The following THSD7A variants were observed in gnomAD, a reference collection of about 807,000 sequenced individuals.
THSD7A encodes thrombospondin type-1 domain-containing protein 7A.
In THSD7A, 96 loss-of-function variants were observed where a neutral mutation model predicts 231.3. The ratio of observed to expected loss-of-function variants is 0.41; its 90% confidence interval spans 0.35 to 0.49. The LOEUF is 0.49. THSD7A is among the 20% of genes least tolerant of loss of function. THSD7A has a pLI of 0.05. For missense variants in THSD7A, 2,290 were observed against 2,070.2 expected, an observed-to-expected ratio of 1.11 and a Z score of -2.06; for synonymous variants, 940 against 743.3, an observed-to-expected ratio of 1.26 and a Z score of -4.30.
intron 1 of THSD7A, among the ~76,000 whole-genome samples, chr7:11,670,494 C>T (rs1783340557): frequency 6.6e-6 from 1 of 152,176 alleles, no homozygotes; most frequent in African/African-American, 2.4e-5. Context: ...GCTCACCTAG[C>T]CAGCTAAATA....
chr7:11,716,921 C>T (rs758752176), intron 1 of THSD7A, among the ~76,000 whole-genome samples: 4 of 151,544 alleles, frequency 2.6e-5, no homozygotes, highest in Non-Finnish European at 5.9e-5. Flanking sequence ...CAAAAATACC[C>T]TGAGTGGTAA....
intron 4 of THSD7A, among the ~76,000 whole-genome samples, chr7:11,550,935 C>T (rs189315364): frequency 1.3e-5 from 2 of 152,136 alleles, no homozygotes; most frequent in East Asian, 3.9e-4. Flanking sequence ...TCACACTCCC[C>T]ACTTCAAACT....
chr7:11,429,165 C>T, intron 13 of THSD7A, 40 bp from the exon 14 acceptor site: 1 of 1,517,410 alleles, frequency 6.6e-7, no homozygotes, highest in South Asian at 1.4e-5. Flanking sequence ...TCTCCTCCAC[C>T]TGTCACTCTC....
intron 1 of THSD7A, among the ~76,000 whole-genome samples, chr7:11,798,491 G>GA (rs1416535261): frequency 1.4e-5 from 2 of 139,874 alleles, no homozygotes; most frequent in African/African-American, 2.6e-5. Context: ...AACAAAAAAA[G>GA]AAAAAACAAA....
chr7:11,753,367 G>T (rs984404140), intron 1 of THSD7A, among the ~76,000 whole-genome samples: 4 of 151,996 alleles, frequency 2.6e-5, no homozygotes, highest in Non-Finnish European at 5.9e-5. Flanking sequence ...ATGCATTATT[G>T]CAATGTCTAC....
rs1488690205 is a variant in THSD7A, at chr7:11,382,066, A to C, written c.4507+455T>G. On this transcript the variant is annotated intron_variant, in intron 24 of 27. Coordinates refer to ENST00000423059, the MANE Select transcript of THSD7A (RefSeq NM_015204.3). The stretch of plus-strand genomic sequence containing the variant: ...TATTAATTAATTTAAAAATCTCTAA[A>C]TCATAGACTTCTGAATTTAAGCAAG... Among the ~76,000 whole-genome samples, 3 of 152,276 alleles carry C rather than the reference A, an allele frequency of 2.0e-5. No homozygotes were observed. In the East Asian group the frequency reaches 5.8e-4, roughly 29 times the overall value.
chr7:11,498,917 T>C (rs1787219966), intron 6 of THSD7A, among the ~76,000 whole-genome samples: 1 of 151,986 alleles, frequency 6.6e-6, no homozygotes, highest in East Asian at 1.9e-4. Flanking sequence ...GTTACATGGG[T>C]TCCCGTTCTC....
intron 6 of THSD7A, among the ~76,000 whole-genome samples, chr7:11,500,907 C>G (rs1363732634): frequency 6.7e-6 from 1 of 148,646 alleles, no homozygotes; most frequent in African/African-American, 2.5e-5. Context: ...GCACTCCAGC[C>G]TGGGTGACAG....
chr7:11,703,069 A>G (rs914295462), intron 1 of THSD7A, among the ~76,000 whole-genome samples: 5 of 151,230 alleles, frequency 3.3e-5, no homozygotes, highest in Admixed American at 3.3e-4. Flanking sequence ...CTTTGAGAAA[A>G]TACACACTCA....
intron 1 of THSD7A, among the ~76,000 whole-genome samples, chr7:11,811,449 T>C (rs995486156): frequency 6.6e-6 from 1 of 152,152 alleles, no homozygotes; most frequent in East Asian, 1.9e-4. Context: ...GAACCAAACA[T>C]ATATATGAAT....
intron 6 of THSD7A, among the ~76,000 whole-genome samples, chr7:11,491,391 C>T (rs925958967): frequency 6.9e-6 from 1 of 145,036 alleles, no homozygotes; most frequent in Non-Finnish European, 1.5e-5. Flanking sequence ...AGACACATGG[C>T]ATTCTATAAA....
rs1186839048 is a variant in THSD7A at position 11,447,224 on chromosome 7, T to G, written c.2800+6A>C. 4 of 1,612,716 alleles carry G rather than the reference T, an allele frequency of 2.5e-6. No homozygotes were observed. The African/African-American group carries it at 5.3e-5, about 22-fold the overall frequency. On this transcript the variant is annotated splice_donor_region_variant and intron_variant, in intron 12 of 27. Coordinates refer to ENST00000423059, the MANE Select transcript of THSD7A (RefSeq NM_015204.3). ...GTACTGGCTTTGGCATCCCAATTAT[T>G]CTTACCAACAAGAGTGCGCTTTCTG... is the stretch of plus-strand genomic sequence containing the variant.
At chr7:11,776,254 TG>T (rs1783402403) in intron 1 of THSD7A, among the ~76,000 whole-genome samples, 1 of 152,194 alleles carries the variant, frequency 6.6e-6, no homozygotes, top group Non-Finnish European at 1.5e-5. Context: ...TGCAGGGCGG[TG>T]AACAAATTTG....
chr7:11,534,177 G>C (rs1332093022), intron 6 of THSD7A, among the ~76,000 whole-genome samples: 1 of 152,154 alleles, frequency 6.6e-6, no homozygotes, highest in Non-Finnish European at 1.5e-5. Flanking sequence ...TATTTTGCAT[G>C]TGAGAGGATT....
chr7:11,657,505 T>G (rs1262868420), intron 1 of THSD7A, among the ~76,000 whole-genome samples: 1 of 151,786 alleles, frequency 6.6e-6, no homozygotes, highest in Non-Finnish European at 1.5e-5. Context: ...CTTCAATGCC[T>G]AACTATAGGT....
chr7:11,734,436 G>C (rs1781838881), intron 1 of THSD7A, among the ~76,000 whole-genome samples: 1 of 151,866 alleles, frequency 6.6e-6, no homozygotes, highest in Non-Finnish European at 1.5e-5. Flanking sequence ...CTACACTCCA[G>C]AAAAATAAGA....
intron 6 of THSD7A, among the ~76,000 whole-genome samples, chr7:11,541,032 C>A (rs754389062): frequency 2.6e-5 from 4 of 152,112 alleles, no homozygotes; most frequent in Non-Finnish European, 4.4e-5. Flanking sequence ...TGCTTACAAC[C>A]CTTTTTTGTT....
intron 4 of THSD7A, among the ~76,000 whole-genome samples, chr7:11,561,856 AAAATAAAAT>A (rs1330378013): frequency 3.7e-5 from 4 of 107,120 alleles, no homozygotes; most frequent in Non-Finnish European, 8.3e-5. Context: ...GTCAAAAAAT[AAAATAAAAT>A]AAATAAGAAA....
intron 11 of THSD7A, among the ~76,000 whole-genome samples, chr7:11,455,654 T>C (rs1004421856): frequency 6.6e-6 from 1 of 152,038 alleles, no homozygotes; most frequent in Admixed American, 6.6e-5. Flanking sequence ...ACTTTTCATA[T>C]AGTTTTGACA....
Sources: allele counts gnomAD v4.1 joint callset (sites outside exome capture counted in the v4.1 genomes callset), GRCh38; gene constraint gnomAD v4.1.1; transcripts MANE v1.5; gene names NCBI Gene and HGNC (gene_info 2026-07-23, HGNC 2026-07-21).